EIF3A: variants seen among roughly 807,000 people sequenced by gnomAD.
EIF3A encodes eukaryotic translation initiation factor 3 subunit A, also known as EIF3, p180 subunit.
In EIF3A, 21 loss-of-function variants were observed where a neutral mutation model predicts 186.6. The observed-to-expected ratio is 0.11, with a 90% CI of 0.08 to 0.16. The LOEUF (loss-of-function observed/expected upper bound fraction) is 0.16, where lower values mean the gene tolerates loss of function less well. EIF3A is among the 10% of genes least tolerant of loss of function. EIF3A has a pLI of 1.00. For missense variants in EIF3A, 1,306 were observed against 1,796.3 expected (o/e 0.73, Z 4.93); for synonymous variants, 563 against 584.3 (o/e 0.96, Z 0.52).
rs552668617 is a variant in EIF3A, at chr10:119,078,176, A to G, written c.49+2452T>C. On this transcript the variant is annotated intron_variant, in intron 1 of 21. Coordinates refer to ENST00000369144, the MANE Select transcript of EIF3A (RefSeq NM_003750.4). ...TTTATTTTTCAAAGGCACTGGTTGT[A>G]GAACATAAACTATAATAAGGTCAGC... Among the ~76,000 whole-genome samples, 8 of 152,172 alleles carry G rather than the reference A, an allele frequency of 5.3e-5. No homozygotes were observed. The East Asian group carries it at 1.2e-3, about 22-fold the overall frequency.
At chr10:119,074,223 TGA>T (rs1273598318) in intron 1 of EIF3A, among the ~76,000 whole-genome samples, 3 of 152,170 alleles carry the variant, frequency 2.0e-5, no homozygotes, top group Admixed American at 6.5e-5. Flanking sequence ...CCTAGCAATT[TGA>T]GAGGCCGAGG....
At chr10:119,063,713 T>A (rs2119819742) in intron 7 of EIF3A, among the ~76,000 whole-genome samples, 1 of 152,320 alleles carries the variant, frequency 6.6e-6, no homozygotes, top group East Asian at 1.9e-4. Context: ...TGCCTTCAGT[T>A]TCACTTGCTA....
In EIF3A at chr10:119,065,542, G is replaced by A. The variant is rs1157562469; in HGVS notation, c.979C>T (p.Leu327Phe). 6.2e-7 allele frequency: 1 copy of A among 1,612,712 alleles called. No individual in the cohort carries two copies. Among genetic ancestry groups the A allele is most frequent in the Non-Finnish European group, 8.5e-7 (1 of 1,178,842 alleles). ...RMSTRVLLAT[L>F]SIPITPERTD... ...CGCTCAGGAGTAATAGGGATGGAAA[G>A]AGTGGCTAAAAGGACTCTAGTAGAC... is the stretch of plus-strand genomic sequence containing the variant. Residue 327 changes from leucine to phenylalanine, a missense_variant, in exon 7 of 22, where the codon CTT becomes TTT. By Grantham distance (22) the Leu-to-Phe change is conservative. Around this residue, in one of 8 missense-constraint regions of EIF3A, gnomAD observed 267 missense variants for 367.8 expected, o/e 0.73. Transcript: ENST00000369144.
intron 7 of EIF3A, among the ~76,000 whole-genome samples, chr10:119,064,600 C>G (rs1017354484): frequency 3.3e-5 from 5 of 152,174 alleles, no homozygotes; most frequent in Non-Finnish European, 7.4e-5. Flanking sequence ...TGGTAATTTT[C>G]CTGAGGTCTC....
rs140799755 is a variant in EIF3A at position 119,042,736 on chromosome 10, C to T, written c.2784G>A (p.Arg928=). The T allele has an allele frequency of 6.2e-7, 1 of 1,612,596 alleles. No individual in the cohort carries two copies. Among genetic ancestry groups the T allele is most frequent in the Non-Finnish European group, 8.5e-7 (1 of 1,179,672 alleles). Residue 928 remains arginine (R), a synonymous_variant, in exon 19 of 22, where the codon AGG becomes AGA. Coordinates refer to ENST00000369144, the MANE Select transcript of EIF3A (RefSeq NM_003750.4). The surrounding 1 kb of genome is among the most constrained non-coding windows in gnomAD (Gnocchi z 7.8). The part of the protein sequence containing the change: ...WRRGEGRDED[R]SHRRDEERPR... Reference sequence around the variant, plus strand: ...GCCGCTCTTCATCTCTTCTATGAGACCTGTCCTCATCTCGCCCTTCTCCAC... The same window carrying T: ...GCCGCTCTTCATCTCTTCTATGAGATCTGTCCTCATCTCGCCCTTCTCCAC...
At chr10:119,051,972 G>A (rs1848362431) in intron 14 of EIF3A, among the ~76,000 whole-genome samples, 1 of 152,174 alleles carries the variant, frequency 6.6e-6, no homozygotes, top group Non-Finnish European at 1.5e-5. Flanking sequence ...CTTCAATGTT[G>A]ACGACTGCTG....
chr10:119,074,738 A>C (rs890700228), intron 1 of EIF3A, among the ~76,000 whole-genome samples: 2 of 151,638 alleles, frequency 1.3e-5, no homozygotes, highest in South Asian at 4.2e-4. Flanking sequence ...GTTCAAGACC[A>C]GCCTAACCAA....
chr10:119,055,064 C>T (rs1009603678), intron 14 of EIF3A, among the ~76,000 whole-genome samples: 2 of 151,958 alleles, frequency 1.3e-5, no homozygotes, highest in South Asian at 2.1e-4. Flanking sequence ...AAAAACTAGC[C>T]GGGCATGGTG....
At chr10:119,064,655 C>T (rs1446625269) in intron 7 of EIF3A, among the ~76,000 whole-genome samples, 1 of 152,128 alleles carries the variant, frequency 6.6e-6, no homozygotes, top group Non-Finnish European at 1.5e-5. Flanking sequence ...CCTGTGGAAC[C>T]ATGAGCCAAT....
intron 3 of EIF3A, 31 bp downstream of exon 3, chr10:119,073,410 A>T (rs1158341123): frequency 4.0e-6 from 6 of 1,499,814 alleles, no homozygotes; most frequent in Non-Finnish European, 4.5e-6. Context: ...GTTAACTATC[A>T]AAGCATTTAT....
chr10:119,047,180 A>T (rs1164409718), intron 17 of EIF3A, among the ~76,000 whole-genome samples: 4 of 152,146 alleles, frequency 2.6e-5, no homozygotes, highest in Non-Finnish European at 5.9e-5. Context: ...AGGCAGGAGA[A>T]TTGCTTGAAA....
intron 1 of EIF3A, among the ~76,000 whole-genome samples, chr10:119,078,931 T>G (rs1844218629): frequency 6.6e-6 from 1 of 152,202 alleles, no homozygotes; most frequent in East Asian, 1.9e-4. Context: ...TTATAATGCT[T>G]TGGCCTACTA....
At chr10:119,038,916 C>A (rs936188239) in intron 19 of EIF3A, among the ~76,000 whole-genome samples, 1 of 151,938 alleles carries the variant, frequency 6.6e-6, no homozygotes, top group African/African-American at 2.4e-5. Flanking sequence ...CAGAATGAGA[C>A]TGTCTCAAAA....
At chr10:119,038,487 G>A in intron 19 of EIF3A, 48 bp from the exon 20 acceptor site, 1 of 1,477,632 alleles carries the variant, frequency 6.8e-7, no homozygotes, top group South Asian at 1.2e-5. Flanking sequence ...TTTAAAAGAA[G>A]AAACAGATTG....
chr10:119,051,936 A>G (rs986239083), intron 14 of EIF3A, among the ~76,000 whole-genome samples: 1 of 152,236 alleles, frequency 6.6e-6, no homozygotes, highest in African/African-American at 2.4e-5. Flanking sequence ...TCAATGAGTC[A>G]TAATCTTTTT....
Position 119,042,851 on chromosome 10 carries a change from C to A in EIF3A, c.2748-79G>T. ...CTTTGGGGATTTTTTTTTTCACATG[C>A]TTTTTAAAAACTTCAGTATGGGCCG... On this transcript the variant is annotated intron_variant, in intron 18 of 21. Coordinates refer to ENST00000369144, the MANE Select transcript of EIF3A (RefSeq NM_003750.4). The surrounding 1 kb of genome is among the most constrained non-coding windows in gnomAD (Gnocchi z 7.8). The A allele has an allele frequency of 1.4e-6, 2 of 1,450,118 alleles. No individual in the cohort carries two copies. The highest frequency in any genetic ancestry group is 1.4e-5 in the South Asian group (1 of 70,272). The allele number at this position is 1,450,118 out of a possible 1,614,324, so 89.8% of individuals were successfully genotyped here.
chr10:119,066,505 CAAAAAAAAAAAAA>C (rs71016533), intron 6 of EIF3A, among the ~76,000 whole-genome samples: 1 of 47,466 alleles, frequency 2.1e-5, no homozygotes, highest in Non-Finnish European at 3.4e-5. Flanking sequence ...TTAAGACTGT[CAAAAAAAAAAAAA>C]AAAAAAAAAA....
At chr10:119,079,321 T>A (rs1164921420) in intron 1 of EIF3A, among the ~76,000 whole-genome samples, 1 of 152,208 alleles carries the variant, frequency 6.6e-6, no homozygotes, top group East Asian at 1.9e-4. Context: ...CGACAAAAAG[T>A]GTTACTTTTA....
intron 7 of EIF3A, among the ~76,000 whole-genome samples, chr10:119,062,743 C>CTTTTTTTTTTTTTT (rs372690463): frequency 1.1e-5 from 1 of 91,032 alleles, no homozygotes; most frequent in Non-Finnish European, 2.0e-5. Flanking sequence ...AAGAGATCAC[C>CTTTTTTTTTTTTTT]TTTTTTTTTT....
Sources: gnomAD v4.1 joint callset for allele counts (sites outside exome capture counted in the v4.1 genomes callset) on GRCh38, gnomAD v4.1.1 for gene constraint, gnomAD v4.1.1 regional missense constraint, Gnocchi (gnomAD v3.1) non-coding constraint, MANE v1.5 for transcripts, NCBI Gene and HGNC (gene_info 2026-07-23, HGNC 2026-07-21) for gene names.